Variants in SGMS1 observed in about 807,000 individuals in gnomAD.
The protein encoded by SGMS1 is phosphatidylcholine:ceramide cholinephosphotransferase 1.
Under a neutral mutation model 46.2 loss-of-function variants are expected in SGMS1, and 13 were observed. The observed-to-expected ratio is 0.28, with a 90% CI of 0.18 to 0.45. The LOEUF (loss-of-function observed/expected upper bound fraction) is 0.45. Among genes scored for constraint, SGMS1 ranks in the 20% least tolerant of loss-of-function variants. SGMS1 has a pLI of 1.00. For missense variants in SGMS1, 324 were observed against 519.9 expected (o/e 0.62, Z 3.66); for synonymous variants, 203 against 187.8 (o/e 1.08, Z -0.66).
intron 6 of SGMS1, among the ~76,000 whole-genome samples, chr10:50,403,202 T>C (rs1389780993): frequency 1.3e-5 from 2 of 152,218 alleles, no homozygotes; most frequent in African/African-American, 4.8e-5. Flanking sequence ...TGATTATTAC[T>C]CACTGGCCAG....
chr10:50,348,684 A>G (rs1384256984), intron 6 of SGMS1, among the ~76,000 whole-genome samples: 1 of 152,236 alleles, frequency 6.6e-6, no homozygotes. Context: ...AACAAATGGG[A>G]AAACATCCCA....
At position 50,442,165 on chromosome 10, in the gene SGMS1, C is replaced by T. The variant is rs75411996; in HGVS notation, c.-312-8609G>A. Among the ~76,000 whole-genome samples the T allele has an allele frequency of 5.9e-3, 884 of 149,256 alleles. 5 individuals carry two copies. The highest frequency in any genetic ancestry group is 0.011 in the South Asian group (52 of 4,732). Reference sequence around the variant, plus strand: ...ACAAAAGGGCGTTCATTCAATAATACTGACTTTTTCTGCTGTAGATTTTTT... The same window carrying T: ...ACAAAAGGGCGTTCATTCAATAATATTGACTTTTTCTGCTGTAGATTTTTT... On this transcript the variant is annotated intron_variant, in intron 5 of 10. Transcript: ENST00000361781.
chr10:50,621,259 A>G (rs939451518), intron 1 of SGMS1, among the ~76,000 whole-genome samples: 1 of 152,218 alleles, frequency 6.6e-6, no homozygotes, highest in Non-Finnish European at 1.5e-5. Context: ...ATGTTAACAA[A>G]GCACACCATT....
chr10:50,524,578 C>G (rs912655707), intron 2 of SGMS1, among the ~76,000 whole-genome samples: 3 of 152,158 alleles, frequency 2.0e-5, no homozygotes, highest in African/African-American at 7.2e-5. Flanking sequence ...ATATGCTAAG[C>G]ATGGATGGGC....
intron 6 of SGMS1, among the ~76,000 whole-genome samples, chr10:50,355,598 G>A (rs1263852686): frequency 6.6e-6 from 1 of 152,194 alleles, no homozygotes; most frequent in African/African-American, 2.4e-5. Context: ...AGGCTGGAGT[G>A]CAGTGGCGTG....
intron 9 of SGMS1, among the ~76,000 whole-genome samples, chr10:50,309,243 C>A (rs1242907914): frequency 6.6e-6 from 1 of 152,058 alleles, no homozygotes; most frequent in Non-Finnish European, 1.5e-5. Flanking sequence ...GTATTTGATA[C>A]CTTGACAATA....
intron 2 of SGMS1, among the ~76,000 whole-genome samples, chr10:50,531,110 C>A (rs1837949079): frequency 6.6e-6 from 1 of 152,122 alleles, no homozygotes; most frequent in African/African-American, 2.4e-5. Context: ...GAAAATTCAA[C>A]AACTACTTCA....
At chr10:50,548,644 GC>G (rs1410344157) in intron 2 of SGMS1, among the ~76,000 whole-genome samples, 1 of 152,072 alleles carries the variant, frequency 6.6e-6, no homozygotes, top group Non-Finnish European at 1.5e-5. Flanking sequence ...CAGGACATAG[GC>G]CCAGGCAAAG....
chr10:50,321,769 G>C (rs80030435), intron 8 of SGMS1, among the ~76,000 whole-genome samples: 2 of 152,166 alleles, frequency 1.3e-5, no homozygotes, highest in South Asian at 2.1e-4. Flanking sequence ...TCAGTGTAGA[G>C]GGCACCTGGA....
At chr10:50,559,203 C>T (rs189192188) in intron 2 of SGMS1, among the ~76,000 whole-genome samples, 1 of 152,166 alleles carries the variant, frequency 6.6e-6, no homozygotes, top group East Asian at 1.9e-4. Flanking sequence ...TTACACAAGC[C>T]CCCCAAAATG....
chr10:50,586,459 C>T (rs1838485534), intron 2 of SGMS1, among the ~76,000 whole-genome samples: 1 of 152,234 alleles, frequency 6.6e-6, no homozygotes, highest in Non-Finnish European at 1.5e-5. Flanking sequence ...ACTACAGGCT[C>T]CTCAAGGGCA....
At chr10:50,573,830 A>G (rs1838356924) in intron 2 of SGMS1, among the ~76,000 whole-genome samples, 1 of 152,214 alleles carries the variant, frequency 6.6e-6, no homozygotes, top group Non-Finnish European at 1.5e-5. Flanking sequence ...ATAAACATAC[A>G]GATCAATAGA....
intron 6 of SGMS1, among the ~76,000 whole-genome samples, chr10:50,420,803 C>T (rs1849245177): frequency 6.6e-6 from 1 of 151,994 alleles, no homozygotes; most frequent in Non-Finnish European, 1.5e-5. Context: ...TGTGTGTGGA[C>T]ACAGAGAGAT....
At chr10:50,538,789 G>A (rs1838026679) in intron 2 of SGMS1, among the ~76,000 whole-genome samples, 1 of 152,202 alleles carries the variant, frequency 6.6e-6, no homozygotes, top group African/African-American at 2.4e-5. Flanking sequence ...AAAGCTGTAA[G>A]TATCATTAAG....
chr10:50,393,883 G>T (rs893782481), intron 6 of SGMS1, among the ~76,000 whole-genome samples: 2 of 152,160 alleles, frequency 1.3e-5, no homozygotes, highest in African/African-American at 2.4e-5. Flanking sequence ...CCAACCAAGG[G>T]GATTCTTCGA....
At chr10:50,456,959 G>A (rs998249444) in intron 5 of SGMS1, among the ~76,000 whole-genome samples, 7 of 152,194 alleles carry the variant, frequency 4.6e-5, no homozygotes, top group Non-Finnish European at 7.3e-5. Context: ...TGATGTGACA[G>A]GGGAAGTGAC....
At chr10:50,524,081 T>C (rs540139203) in intron 2 of SGMS1, among the ~76,000 whole-genome samples, 110 of 152,350 alleles carry the variant, frequency 7.2e-4, no homozygotes, top group Non-Finnish European at 1.2e-3. Flanking sequence ...TTGGTTCTAC[T>C]TCAGGTCCCC....
chr10:50,454,037 T>G (rs1433515572), intron 5 of SGMS1, among the ~76,000 whole-genome samples: 1 of 103,470 alleles, frequency 9.7e-6, no homozygotes, highest in Non-Finnish European at 1.8e-5. Context: ...CTTTCAACAT[T>G]AATTTACATA....
chr10:50,611,262 A>G (rs1315691185), intron 1 of SGMS1, among the ~76,000 whole-genome samples: 3 of 152,210 alleles, frequency 2.0e-5, no homozygotes, highest in Admixed American at 2.0e-4. Context: ...CTCTGCTGCC[A>G]CATCCCAAGG....
Sources: allele counts gnomAD v4.1 joint callset (sites outside exome capture counted in the v4.1 genomes callset), GRCh38; gene constraint gnomAD v4.1.1; transcripts MANE v1.5; gene names NCBI Gene and HGNC (gene_info 2026-07-23, HGNC 2026-07-21).